AK8: variants seen among roughly 807,000 people sequenced by gnomAD.
AK8 encodes ATP-AMP transphosphorylase 8.
A neutral mutation model predicts 54.6 loss-of-function variants in AK8; 44 were observed. The observed-to-expected ratio is 0.81, with a 90% CI of 0.63 to 1.04. The LOEUF (loss-of-function observed/expected upper bound fraction) is 1.04, where lower values mean the gene tolerates loss of function less well. Ranked by LOEUF, AK8 falls within the 50% of genes least tolerant of loss-of-function variation. The pLI is 0.00. For synonymous variants in AK8, 239 were observed against 245.6 expected (o/e 0.97, Z 0.25); for missense variants, 555 against 613.6 (o/e 0.90, Z 1.01).
intron 11 of AK8, among the ~76,000 whole-genome samples, chr9:132,773,834 G>C (rs542949371): frequency 1.3e-5 from 2 of 152,318 alleles, no homozygotes; most frequent in East Asian, 3.9e-4. Flanking sequence ...GAGGCTTCCT[G>C]GAGCAGGTGG....
rs373035214 is a variant in AK8 at position 132,843,902 on chromosome 9, G to A, written c.402+10955C>T. Among the ~76,000 whole-genome samples, 70 of 152,240 alleles carry A rather than the reference G, an allele frequency of 4.6e-4. 3 individuals are homozygous for A. In the South Asian group the frequency reaches 0.014, roughly 31 times the overall value. ...CATTCTTTAAAAAGCCATCCTTCCA[G>A]CAGCAATGTGAAGAAAGAGTTGGGA... On this transcript the variant is annotated intron_variant, in intron 5 of 12. Transcript: ENST00000298545.
At chr9:132,829,237 C>T (rs760340713) in intron 5 of AK8, among the ~76,000 whole-genome samples, 1 of 152,116 alleles carries the variant, frequency 6.6e-6, no homozygotes, top group Non-Finnish European at 1.5e-5. Flanking sequence ...GGATTACAGG[C>T]GTGAGCAACT....
intron 8 of AK8, among the ~76,000 whole-genome samples, chr9:132,824,088 G>A (rs988179720): frequency 2.0e-5 from 3 of 152,192 alleles, no homozygotes; most frequent in East Asian, 1.9e-4. Flanking sequence ...GGGGGGCACC[G>A]GATGCCAAGA....
intron 11 of AK8, among the ~76,000 whole-genome samples, chr9:132,762,415 A>G (rs1838522206): frequency 6.6e-6 from 1 of 151,874 alleles, no homozygotes; most frequent in Non-Finnish European, 1.5e-5. Flanking sequence ...TCAATGTGTG[A>G]CTCCTTTCAA....
At chr9:132,806,289 C>T (rs564381228) in intron 10 of AK8, among the ~76,000 whole-genome samples, 10 of 152,174 alleles carry the variant, frequency 6.6e-5, no homozygotes, top group African/African-American at 1.9e-4. Context: ...TATCTTCAAA[C>T]GCCCAGCACC....
chr9:132,732,257 G>A (rs1164504843), intron 11 of AK8, among the ~76,000 whole-genome samples: 2 of 152,118 alleles, frequency 1.3e-5, no homozygotes, highest in African/African-American at 4.8e-5. Flanking sequence ...TCAGCATTGT[G>A]ATTTTCAGAA....
intron 1 of AK8, chr9:132,877,873 A>G (rs964472262): frequency 3.0e-6 from 2 of 663,386 alleles, no homozygotes; most frequent in Non-Finnish European, 2.7e-6. Context: ...CGAGAAAAGG[A>G]AAGGACTGGT....
chr9:132,840,690 C>T (rs1386997647), intron 5 of AK8, among the ~76,000 whole-genome samples: 2 of 152,042 alleles, frequency 1.3e-5, no homozygotes, highest in African/African-American at 4.8e-5. Context: ...GTCAGGAGAT[C>T]GAGACCAGCC....
rs55955954 is a variant in AK8 at position 132,873,733 on chromosome 9, G to C, written c.169+1382C>G. Among the ~76,000 whole-genome samples the C allele has an allele frequency of 1.7e-4, 26 of 152,266 alleles. No homozygotes were observed. The East Asian group carries it at 1.7e-3, about 10-fold the overall frequency. On this transcript the variant is annotated intron_variant, in intron 2 of 12. Transcript: ENST00000298545. ...CCCAGCACCCACTCGGCCTCAGGGT[G>C]GGGGCAGGGGGGAATGCAGGAACTA...
In AK8 at chr9:132,725,651, C is replaced by T; in HGVS notation, c.*37G>A. ...TGGGGGGCTGGGGGCAGGGGATTAA[C>T]TCTTTCCCTGGGGCAGCGCTCCTGG... On this transcript the variant is annotated 3_prime_UTR_variant, in exon 13 of 13. Coordinates refer to ENST00000298545, the MANE Select transcript of AK8 (RefSeq NM_152572.3). 1 of 1,530,562 alleles carries T rather than the reference C, an allele frequency of 6.5e-7. No individual in the cohort carries two copies. The highest frequency in any genetic ancestry group is 8.9e-7 in the Non-Finnish European group (1 of 1,125,118). The allele number at this position is 1,530,562 out of a possible 1,614,324, so 94.8% of individuals were successfully genotyped here.
intron 11 of AK8, among the ~76,000 whole-genome samples, chr9:132,752,726 C>A: frequency 6.6e-6 from 1 of 150,872 alleles, no homozygotes; most frequent in Non-Finnish European, 1.5e-5. Flanking sequence ...TGCCCCCCAC[C>A]CACCCCACCT....
At chr9:132,773,891 A>G (rs1839089242) in intron 11 of AK8, among the ~76,000 whole-genome samples, 1 of 152,226 alleles carries the variant, frequency 6.6e-6, no homozygotes, top group Non-Finnish European at 1.5e-5. Context: ...ATGAAATCCC[A>G]TGGTGTTCTG....
At chr9:132,853,152 T>G (rs1276324821) in intron 5 of AK8, among the ~76,000 whole-genome samples, 1 of 145,940 alleles carries the variant, frequency 6.9e-6, no homozygotes, top group African/African-American at 2.5e-5. Flanking sequence ...AGGTCAGGAG[T>G]TCAAGATCAG....
intron 10 of AK8, among the ~76,000 whole-genome samples, chr9:132,807,196 G>C (rs1840765652): frequency 6.6e-6 from 1 of 152,012 alleles, no homozygotes; most frequent in Non-Finnish European, 1.5e-5. Context: ...GCTGGGGGGG[G>C]CGGGGCCACA....
chr9:132,863,764 G>A lies in AK8; in HGVS notation c.234C>T (p.Cys78=), dbSNP rs756235024. ...SGKTTIAMWL[C]KHLNSSLLTL... ...TGAGGAGACTGCTGTTCAGATGTTT[G>A]CAGAGCCACATTGCCTGAAGAAAGG... is the stretch of plus-strand genomic sequence containing the variant. The change falls in exon 4 of 13, where the codon TGC becomes TGT. Residue 78 remains cysteine, a synonymous_variant. Coordinates refer to ENST00000298545, the MANE Select transcript of AK8 (RefSeq NM_152572.3). 3 of 1,613,482 alleles carry A rather than the reference G, an allele frequency of 1.9e-6. No homozygotes were observed. The highest frequency in any genetic ancestry group is 2.5e-6 in the Non-Finnish European group (3 of 1,179,526).
At chr9:132,846,436 C>T (rs1266497803) in intron 5 of AK8, among the ~76,000 whole-genome samples, 7 of 152,188 alleles carry the variant, frequency 4.6e-5, no homozygotes, top group African/African-American at 1.2e-4. Flanking sequence ...GAGAGCAAGA[C>T]GTTTAACTCT....
intron 5 of AK8, among the ~76,000 whole-genome samples, chr9:132,853,835 C>T (rs937703910): frequency 9.0e-5 from 13 of 144,706 alleles, no homozygotes; most frequent in East Asian, 2.0e-4. Flanking sequence ...CTTTGGCAAG[C>T]GCATATACTA....
intron 10 of AK8, among the ~76,000 whole-genome samples, chr9:132,797,328 A>G: frequency 6.6e-6 from 1 of 152,128 alleles, no homozygotes; most frequent in East Asian, 1.9e-4. Context: ...GAGGGAAGGA[A>G]AAAAGGGAAC....
At chr9:132,754,800 G>GTT (rs1239318902) in intron 11 of AK8, among the ~76,000 whole-genome samples, 1,542 of 139,342 alleles carry the variant, frequency 0.011, 34 homozygotes, top group African/African-American at 0.037. Flanking sequence ...TTGTTTTTTG[G>GTT]TTTTTTTTTT....
Sources: gnomAD v4.1 joint callset for allele counts (sites outside exome capture counted in the v4.1 genomes callset) on GRCh38, gnomAD v4.1.1 for gene constraint, MANE v1.5 for transcripts, NCBI Gene and HGNC (gene_info 2026-07-23, HGNC 2026-07-21) for gene names.